IL16: variants seen among roughly 807,000 people sequenced by gnomAD.
IL16 encodes pro-interleukin-16.
Under a neutral mutation model 110.1 loss-of-function variants are expected in IL16, and 67 were observed. That is an observed-to-expected ratio of 0.61 (90% CI 0.50 to 0.75). IL16 has a LOEUF of 0.75. IL16 is among the 30% of genes least tolerant of loss of function. IL16 has a pLI of 0.00. For missense variants in IL16, 1,545 were observed against 1,655.0 expected, an observed-to-expected ratio of 0.93 and a Z score of 1.15; for synonymous variants, 689 against 662.9, an observed-to-expected ratio of 1.04 and a Z score of -0.61.
At chr15:81,245,521 C>A (rs763619394) in intron 2 of IL16, among the ~76,000 whole-genome samples, 1 of 152,130 alleles carries the variant, frequency 6.6e-6, no homozygotes, top group Non-Finnish European at 1.5e-5. Context: ...CTCTACTCAG[C>A]CTTCTCTGAC....
intron 4 of IL16, among the ~76,000 whole-genome samples, chr15:81,268,299 C>A (rs1029902654): frequency 1.6e-5 from 2 of 125,972 alleles, no homozygotes; most frequent in African/African-American, 3.6e-5. Flanking sequence ...ATTCCATGTT[C>A]GCTGCCTTCC....
Position 81,231,370 on chromosome 15 carries a change from CT to C in IL16, c.312+5660del, listed in dbSNP as rs1414711672. 1.6e-3 allele frequency among the ~76,000 whole-genome samples: 236 copies of C among 145,834 alleles called. 1 individual carries two copies. Among genetic ancestry groups the C allele is most frequent in the Non-Finnish European group, 2.6e-3 (175 of 66,764 alleles). On this transcript the variant is annotated intron_variant, in intron 2 of 18. Transcript: ENST00000683961. The stretch of plus-strand genomic sequence containing the variant: ...TCTCTCTCTCTCTCTCTCTCTCTCT[CT>C]CTCTCTCTCTCCCTCTCTTAAGACA...
intron 9 of IL16, among the ~76,000 whole-genome samples, chr15:81,284,229 G>A: frequency 6.6e-6 from 1 of 152,162 alleles, no homozygotes; most frequent in East Asian, 1.9e-4. Context: ...TGTGTATAGT[G>A]CAAATATATC....
At chr15:81,184,161 C>G (rs1244835911) in intron 1 of IL16, among the ~76,000 whole-genome samples, 1 of 152,122 alleles carries the variant, frequency 6.6e-6, no homozygotes, top group Non-Finnish European at 1.5e-5. Context: ...TGGGGATCTT[C>G]GAGGGTGGGA....
At position 81,285,482 on chromosome 15, in the gene IL16, T is replaced by A. The variant is rs1479086618; in HGVS notation, c.1200-216T>A. ...GTTGACCCACTGTAAATAGGAAATGTCTGCTGCTTTGTGGTTGTACGGTAA... is the reference window on the plus strand; with the variant it reads ...GTTGACCCACTGTAAATAGGAAATGACTGCTGCTTTGTGGTTGTACGGTAA... On this transcript the variant is annotated intron_variant, in intron 9 of 18. Transcript: ENST00000683961. Among the ~76,000 whole-genome samples, 3 of 152,206 alleles carry A rather than the reference T, an allele frequency of 2.0e-5. No individual in the cohort carries two copies. In the East Asian group the frequency reaches 5.8e-4, roughly 29 times the overall value.
chr15:81,297,852 G>A (rs114608984), intron 13 of IL16, among the ~76,000 whole-genome samples: 2,961 of 150,046 alleles, frequency 0.02, 78 homozygotes, highest in African/African-American at 0.063. Flanking sequence ...AACTAGTAGT[G>A]GCAGGAAATA....
At chr15:81,291,106 T>C (rs1899696379) in intron 11 of IL16, among the ~76,000 whole-genome samples, 1 of 152,242 alleles carries the variant, frequency 6.6e-6, no homozygotes, top group African/African-American at 2.4e-5. Flanking sequence ...CCAGCTGGCT[T>C]GACTCCCATG....
At chr15:81,273,586 T>C (rs1233483243) in intron 6 of IL16, among the ~76,000 whole-genome samples, 1 of 151,968 alleles carries the variant, frequency 6.6e-6, no homozygotes, top group East Asian at 1.9e-4. Flanking sequence ...TAACACCCCC[T>C]CTCCTTCATT....
At chr15:81,253,613 A>T (rs1274318944) in intron 2 of IL16, among the ~76,000 whole-genome samples, 1 of 152,100 alleles carries the variant, frequency 6.6e-6, no homozygotes, top group Non-Finnish European at 1.5e-5. Flanking sequence ...TAGATCTATG[A>T]TCTATTTTGA....
chr15:81,282,840 G>A, intron 9 of IL16, 84 bp downstream of exon 9: 2 of 1,053,892 alleles, frequency 1.9e-6, no homozygotes, highest in Non-Finnish European at 2.9e-6. Context: ...GATTGATTTG[G>A]ACATGAGCTA....
chr15:81,194,586 A>G (rs1047495917), upstream of IL16, among the ~76,000 whole-genome samples: 1 of 152,060 alleles, frequency 6.6e-6, no homozygotes, highest in African/African-American at 2.4e-5. Flanking sequence ...TTTGGAAATA[A>G]AATTTTGTAA....
At chr15:81,238,557 C>T (rs1897248153) in intron 2 of IL16, among the ~76,000 whole-genome samples, 1 of 152,040 alleles carries the variant, frequency 6.6e-6, no homozygotes, top group Non-Finnish European at 1.5e-5. Context: ...TACTTTTCTC[C>T]ATTTCTTAAA....
intron 1 of IL16, among the ~76,000 whole-genome samples, chr15:81,215,758 ACT>A (rs1896404881): frequency 6.6e-6 from 1 of 151,928 alleles, no homozygotes; most frequent in East Asian, 1.9e-4. Flanking sequence ...CCCTTGCCAC[ACT>A]CTGAGGGTGG....
chr15:81,235,987 A>G (rs1021867439), intron 2 of IL16, among the ~76,000 whole-genome samples: 9 of 152,166 alleles, frequency 5.9e-5, no homozygotes, highest in African/African-American at 2.2e-4. Flanking sequence ...GGAGGTCCCC[A>G]CTTCAGAGCT....
In IL16 at chr15:81,292,609, C is replaced by A; in HGVS notation, c.1474C>A (p.Arg492=). ...CGGGCGGCCCACCTTGGAGAAGGAA[C>A]GAGAGAAGAACTCAGCACCCCCGCA... The part of the protein sequence containing the change: ...WHGRPTLEKE[R]EKNSAPPHRR... The change falls in exon 12 of 19, where the codon CGA becomes AGA. Residue 492 remains arginine, a synonymous_variant. Coordinates refer to ENST00000683961, the MANE Select transcript of IL16 (RefSeq NM_172217.5). 1 of 1,606,974 alleles carries A rather than the reference C, an allele frequency of 6.2e-7. No individual in the cohort carries two copies. Among genetic ancestry groups the A allele is most frequent in the Non-Finnish European group, 8.5e-7 (1 of 1,174,234 alleles).
intron 1 of IL16, among the ~76,000 whole-genome samples, chr15:81,207,262 C>CA (rs1176735974): frequency 2.2e-5 from 3 of 136,252 alleles, no homozygotes; most frequent in Non-Finnish European, 3.1e-5. Flanking sequence ...AAAAAAAAAA[C>CA]AAAAAAAAGA....
chr15:81,233,013 A>C (rs1281799415), intron 2 of IL16, among the ~76,000 whole-genome samples: 1 of 152,180 alleles, frequency 6.6e-6, no homozygotes, highest in Non-Finnish European at 1.5e-5. Flanking sequence ...GAAAGGTTTT[A>C]AATTATCACT....
upstream of IL16, among the ~76,000 whole-genome samples, chr15:81,196,616 C>T (rs931749770): frequency 6.6e-6 from 1 of 152,170 alleles, no homozygotes; most frequent in Non-Finnish European, 1.5e-5. Flanking sequence ...TGTCTGCTAC[C>T]TTTCGGCTCT....
At chr15:81,201,006 T>G (rs1895791106) in intron 1 of IL16, among the ~76,000 whole-genome samples, 1 of 152,194 alleles carries the variant, frequency 6.6e-6, no homozygotes, top group Non-Finnish European at 1.5e-5. Context: ...TGTAGCCAAC[T>G]CCAGCCAAAG....
Sources: gnomAD v4.1 joint callset for allele counts (sites outside exome capture counted in the v4.1 genomes callset) on GRCh38, gnomAD v4.1.1 for gene constraint, MANE v1.5 for transcripts, NCBI Gene and HGNC (gene_info 2026-07-23, HGNC 2026-07-21) for gene names.